Variants in SVEP1 observed in about 807,000 individuals in gnomAD.
SVEP1 encodes the protein sushi, von Willebrand factor type A, EGF and pentraxin domain-containing protein 1.
A neutral mutation model predicts 367.3 loss-of-function variants in SVEP1; 164 were observed. That is an observed-to-expected ratio of 0.45 (90% CI 0.39 to 0.51). The LOEUF (loss-of-function observed/expected upper bound fraction) is 0.51. Ranked by LOEUF, SVEP1 falls within the 20% of genes least tolerant of loss-of-function variation. The pLI is 0.00. For synonymous variants in SVEP1, 1,666 were observed against 1,611.6 expected (o/e 1.03, Z -0.81); for missense variants, 4,117 against 4,425.3 (o/e 0.93, Z 1.98).
chr9:110,546,664 A>T (rs1228259742), intron 2 of SVEP1, among the ~76,000 whole-genome samples: 1 of 152,200 alleles, frequency 6.6e-6, no homozygotes, highest in Non-Finnish European at 1.5e-5. Context: ...GGGTGAGGTC[A>T]GGCCCCAGCA....
At chr9:110,445,781 C>A (rs1302532865) in intron 26 of SVEP1, 56 bp downstream of exon 26, 1 of 1,593,042 alleles carries the variant, frequency 6.3e-7, no homozygotes, top group African/African-American at 1.3e-5. Flanking sequence ...AATGTCAGTT[C>A]TAATTCGGTT....
At chr9:110,555,744 C>T (rs575149749) in intron 1 of SVEP1, among the ~76,000 whole-genome samples, 31 of 151,872 alleles carry the variant, frequency 2.0e-4, no homozygotes, top group African/African-American at 7.5e-4. Context: ...AAGAATTACA[C>T]AAGATCTGGG....
intron 40 of SVEP1, among the ~76,000 whole-genome samples, chr9:110,395,936 C>T (rs1239998352): frequency 6.6e-6 from 1 of 150,872 alleles, no homozygotes; most frequent in African/African-American, 2.4e-5. Flanking sequence ...CAACATTAGA[C>T]AGATCAACGA....
In SVEP1 at chr9:110,391,820, G is replaced by A. The variant is rs140782209; in HGVS notation, c.9823-2233C>T. Reference sequence around the variant, plus strand: ...GTGAGGATGTTTCTGGATGAGATTAGCATTTAAATTAGTAGATCATGTAAA... The same window carrying A: ...GTGAGGATGTTTCTGGATGAGATTAACATTTAAATTAGTAGATCATGTAAA... On this transcript the variant is annotated intron_variant, in intron 40 of 47. Coordinates refer to ENST00000374469, the MANE Select transcript of SVEP1 (RefSeq NM_153366.4). 4.1e-3 allele frequency among the ~76,000 whole-genome samples: 625 copies of A among 152,172 alleles called. 1 individual carries two copies. The highest frequency in any genetic ancestry group is 6.3e-3 in the Non-Finnish European group (426 of 68,026).
At chr9:110,388,019 T>C (rs961530088) in intron 41 of SVEP1, among the ~76,000 whole-genome samples, 3 of 152,208 alleles carry the variant, frequency 2.0e-5, no homozygotes, top group African/African-American at 4.8e-5. Context: ...ACCTTACTTA[T>C]AGCAACTCTG....
At chr9:110,545,861 A>G (rs1418457371) in intron 3 of SVEP1, among the ~76,000 whole-genome samples, 4 of 152,174 alleles carry the variant, frequency 2.6e-5, no homozygotes, top group Non-Finnish European at 5.9e-5. Flanking sequence ...TGTCCTAGAC[A>G]AAGCCATTTT....
At position 110,455,648 on chromosome 9, in the gene SVEP1, A is replaced by C. The variant is rs1422321832; in HGVS notation, c.3729T>G (p.Asn1243Lys). 6.2e-7 allele frequency: 1 copy of C among 1,613,420 alleles called. No homozygotes were observed. Among genetic ancestry groups the C allele is most frequent in the African/African-American group, 1.3e-5 (1 of 74,904 alleles). Residue 1243 changes from asparagine to lysine, a missense_variant, in exon 22 of 48, where the codon AAT becomes AAG. Transcript: ENST00000374469. The part of the protein sequence containing the change: ...DECSPLPCLN[N>K]GVCKDLVGEF... ...CCCCAACTAGGTCTTTACAAACTCC[A>C]TTGTTGAGGCAAGGCAGTGGGCTGC...
At position 110,522,890 on chromosome 9, in the gene SVEP1, C is replaced by T. The variant is rs1245940026; in HGVS notation, c.965-8784G>A. On this transcript the variant is annotated intron_variant, in intron 3 of 47. Coordinates refer to ENST00000374469, the MANE Select transcript of SVEP1 (RefSeq NM_153366.4). Reference sequence around the variant, plus strand: ...CATTATTGGTACACTAATTTAAAAGCCTTTTTATTTTAGGCCTTGATTGTC... The same window carrying T: ...CATTATTGGTACACTAATTTAAAAGTCTTTTTATTTTAGGCCTTGATTGTC... Among the ~76,000 whole-genome samples, 6 of 152,272 alleles carry T rather than the reference C, an allele frequency of 3.9e-5. No individual in the cohort carries two copies. The East Asian group carries it at 1.2e-3, about 29-fold the overall frequency.
chr9:110,579,310 G>T lies in SVEP1; in HGVS notation c.234C>A (p.Leu78=). The change falls in exon 1 of 48, where the codon CTC becomes CTA. Residue 78 remains leucine, a synonymous_variant. Coordinates refer to ENST00000374469, the MANE Select transcript of SVEP1 (RefSeq NM_153366.4). The surrounding 1 kb of genome is among the most constrained non-coding windows in gnomAD (Gnocchi z 5.3). ...FRRRVRLLRE[L]SERLELVFLV... ...GGAAGACAAGCTCCAGGCGCTCGCTGAGCTCCCGCAGCAGCCGCACGCGTC... is the reference window on the plus strand; with the variant it reads ...GGAAGACAAGCTCCAGGCGCTCGCTTAGCTCCCGCAGCAGCCGCACGCGTC... 3 of 1,564,796 alleles carry T rather than the reference G, an allele frequency of 1.9e-6. No individual in the cohort carries two copies. Among genetic ancestry groups the T allele is most frequent in the Non-Finnish European group, 2.6e-6 (3 of 1,156,618 alleles).
intron 1 of SVEP1, among the ~76,000 whole-genome samples, chr9:110,568,150 A>G (rs530130814): frequency 1.3e-5 from 2 of 152,286 alleles, no homozygotes; most frequent in East Asian, 1.9e-4. Flanking sequence ...CCTCCCAGAT[A>G]AGCTACTTAC....
At chr9:110,430,589 G>T in intron 32 of SVEP1, 139 bp from the exon 33 acceptor site, 2 of 794,944 alleles carry the variant, frequency 2.5e-6, no homozygotes, top group Non-Finnish European at 3.9e-6. Context: ...ATGCATGAGG[G>T]CCCAGAGACA....
intron 39 of SVEP1, among the ~76,000 whole-genome samples, chr9:110,402,288 A>C (rs1400302783): frequency 6.6e-6 from 1 of 152,078 alleles, no homozygotes; most frequent in Middle Eastern, 3.2e-3. Context: ...CTACACTAAG[A>C]GTTTTGTAAC....
Position 110,471,437 on chromosome 9 carries a change from G to C in SVEP1, c.2925C>G (p.Asp975Glu). ...CCTTTTTTGTTTCTAATGAATTGCT[G>C]TCGGCTATAAGTATTTCTGATGCAA... The part of the protein sequence containing the change: ...FQLASEILIA[D>E]SNSLETKKAS... Residue 975 changes from aspartate to glutamate, a missense_variant, in exon 16 of 48, where the codon GAC (aspartate) becomes GAG (glutamate). Asp to Glu is a conservative substitution (Grantham distance 45). Coordinates refer to ENST00000374469, the MANE Select transcript of SVEP1 (RefSeq NM_153366.4). 6.2e-7 allele frequency: 1 copy of C among 1,613,956 alleles called. No individual in the cohort carries two copies. The highest frequency in any genetic ancestry group is 8.5e-7 in the Non-Finnish European group (1 of 1,179,880).
chr9:110,431,322 CATGAA>C (rs1370554219), intron 32 of SVEP1, among the ~76,000 whole-genome samples: 1 of 152,134 alleles, frequency 6.6e-6, no homozygotes, highest in Admixed American at 6.5e-5. Flanking sequence ...TATAATATTA[CATGAA>C]ATAACTAAAA....
chr9:110,450,355 G>A, intron 23 of SVEP1, 95 bp from the exon 24 acceptor site: 1 of 1,311,250 alleles, frequency 7.6e-7, no homozygotes. Flanking sequence ...GCTGCTTCTA[G>A]AGGATTGGAA....
chr9:110,373,034 G>T (rs983642088), intron 46 of SVEP1, among the ~76,000 whole-genome samples: 63 of 152,172 alleles, frequency 4.1e-4, no homozygotes, highest in Non-Finnish European at 4.4e-5. Context: ...CAGTGGTGTG[G>T]AGTAGAATGT....
At chr9:110,474,152 C>A (rs1299928229) in intron 14 of SVEP1, among the ~76,000 whole-genome samples, 1 of 152,108 alleles carries the variant, frequency 6.6e-6, no homozygotes, top group Non-Finnish European at 1.5e-5. Context: ...AAGCACGTGC[C>A]ACCATGCTCT....
intron 42 of SVEP1, among the ~76,000 whole-genome samples, chr9:110,386,377 G>A (rs947457551): frequency 6.6e-6 from 1 of 152,182 alleles, no homozygotes; most frequent in Admixed American, 6.5e-5. Context: ...TTTAGACTGA[G>A]TTTTTGATCA....
intron 5 of SVEP1, among the ~76,000 whole-genome samples, chr9:110,503,540 C>T (rs1304256301): frequency 6.6e-6 from 1 of 152,196 alleles, no homozygotes; most frequent in African/African-American, 2.4e-5. Context: ...GTACCTGATG[C>T]TCTCAGCTGG....
Sources: allele counts gnomAD v4.1 joint callset (sites outside exome capture counted in the v4.1 genomes callset), GRCh38; gene constraint gnomAD v4.1.1; non-coding constraint Gnocchi (gnomAD v3.1); transcripts MANE v1.5; gene names NCBI Gene and HGNC (gene_info 2026-07-23, HGNC 2026-07-21).